Variants in LIMS1 observed in about 807,000 individuals in gnomAD.
LIMS1 encodes LIM and senescent cell antigen-like-containing domain protein 1.
LIMS1 carries 18 observed loss-of-function variants against 44.1 expected under a neutral mutation model. The ratio of observed to expected loss-of-function variants is 0.41; its 90% CI spans 0.28 to 0.61. The LOEUF (loss-of-function observed/expected upper bound fraction) is 0.61, where lower values mean the gene tolerates loss of function less well. Ranked by LOEUF, LIMS1 falls within the 20% of genes least tolerant of loss-of-function variation. The pLI is 0.32. For missense variants in LIMS1, 201 were observed against 422.0 expected (o/e 0.48, Z 4.59); for synonymous variants, 93 against 149.1 (o/e 0.62, Z 2.74).
intron 1 of LIMS1, among the ~76,000 whole-genome samples, chr2:108,552,206 C>A (rs1684768755): frequency 7.1e-6 from 1 of 141,634 alleles, no homozygotes; most frequent in Admixed American, 7.2e-5. Flanking sequence ...ATAAAATATA[C>A]AATATATAAT....
rs961167991 is a variant in LIMS1 at position 108,586,657 on chromosome 2, T to C, written c.32+52063T>C. ...AACAACAATGCCAGTCTGCCCAGGA[T>C]GTTCTGCTGGGACTCAGAAAAACAT... On this transcript the variant is annotated intron_variant, in intron 1 of 9. Transcript: ENST00000544547. Among the ~76,000 whole-genome samples, 6 of 152,332 alleles carry C rather than the reference T, an allele frequency of 3.9e-5. No homozygotes were observed. The South Asian group carries it at 1.0e-3, about 26-fold the overall frequency.
At chr2:108,663,912 G>T (rs980140835) in intron 2 of LIMS1, among the ~76,000 whole-genome samples, 4 of 151,872 alleles carry the variant, frequency 2.6e-5, no homozygotes, top group African/African-American at 9.7e-5. Flanking sequence ...GCGCCACCAT[G>T]CCCAGCTAAT....
chr2:108,640,715 A>G (rs1436502098), intron 1 of LIMS1, among the ~76,000 whole-genome samples: 1 of 152,258 alleles, frequency 6.6e-6, no homozygotes, highest in Non-Finnish European at 1.5e-5. Context: ...TGCTGCATGC[A>G]TGTAATGCAT....
At chr2:108,580,714 A>T (rs1685852829) in intron 1 of LIMS1, among the ~76,000 whole-genome samples, 1 of 152,178 alleles carries the variant, frequency 6.6e-6, no homozygotes, top group East Asian at 1.9e-4. Flanking sequence ...GAGGTGTGTG[A>T]GGATGATTAA....
intron 1 of LIMS1, among the ~76,000 whole-genome samples, chr2:108,576,528 G>A (rs1044309721): frequency 2.6e-5 from 4 of 152,142 alleles, no homozygotes; most frequent in African/African-American, 9.7e-5. Flanking sequence ...AGCCTCCCGA[G>A]TAGCTGGGAT....
intron 1 of LIMS1, among the ~76,000 whole-genome samples, chr2:108,611,793 G>C (rs1269911171): frequency 1.3e-5 from 2 of 149,476 alleles, no homozygotes; most frequent in Admixed American, 1.3e-4. Context: ...TGGGAGGATT[G>C]CTTGAGCCAG....
chr2:108,643,644 G>T (rs538753629), intron 1 of LIMS1, among the ~76,000 whole-genome samples: 4 of 151,036 alleles, frequency 2.6e-5, no homozygotes, highest in Non-Finnish European at 2.9e-5. Flanking sequence ...CCCCAGTGGC[G>T]CCAGGAATGC....
intron 1 of LIMS1, among the ~76,000 whole-genome samples, chr2:108,650,949 C>A (rs1690441601): frequency 6.6e-6 from 1 of 152,208 alleles, no homozygotes; most frequent in African/African-American, 2.4e-5. Flanking sequence ...GGGCCTATTG[C>A]ATCATGGGCT....
chr2:108,609,903 G>T (rs1280532952), intron 1 of LIMS1, among the ~76,000 whole-genome samples: 1 of 152,140 alleles, frequency 6.6e-6, no homozygotes, highest in Non-Finnish European at 1.5e-5. Flanking sequence ...AGCACTTTGG[G>T]AGGCCGAGGT....
At chr2:108,673,163 G>A (rs1243539888) in intron 5 of LIMS1, 134 bp downstream of exon 5, 15 of 1,325,812 alleles carry the variant, frequency 1.1e-5, no homozygotes, top group South Asian at 1.1e-4. Context: ...ACCTATAGAC[G>A]AGTCAAGAGA....
intron 1 of LIMS1, among the ~76,000 whole-genome samples, chr2:108,599,229 C>T (rs1344525253): frequency 6.6e-6 from 1 of 152,130 alleles, no homozygotes; most frequent in Non-Finnish European, 1.5e-5. Context: ...TTTCTACTCT[C>T]TGTGTCCATG....
intron 1 of LIMS1, among the ~76,000 whole-genome samples, chr2:108,537,647 G>T (rs1558778014): frequency 6.6e-6 from 1 of 152,354 alleles, no homozygotes; most frequent in East Asian, 1.9e-4. Flanking sequence ...TGGTACAAAA[G>T]ATCATTTCAG....
chr2:108,590,694 A>G (rs1251362889), intron 1 of LIMS1, among the ~76,000 whole-genome samples: 1 of 152,206 alleles, frequency 6.6e-6, no homozygotes. Flanking sequence ...AGTTGGCAAC[A>G]GCTCGAGCAA....
intron 1 of LIMS1, among the ~76,000 whole-genome samples, chr2:108,619,737 TTGAAATGTTTCTATTAC>T (rs1688136819): frequency 1.3e-5 from 2 of 152,178 alleles, no homozygotes; most frequent in South Asian, 4.1e-4. Context: ...GAGTTCTAAA[TTGAAATGTTTCTATTAC>T]TGTAAACTAA....
intron 1 of LIMS1, among the ~76,000 whole-genome samples, chr2:108,644,214 GAGA>G (rs1392374292): frequency 6.6e-6 from 1 of 152,114 alleles, no homozygotes; most frequent in Non-Finnish European, 1.5e-5. Flanking sequence ...TCCTAACTGG[GAGA>G]CACCTCCTAG....
intron 1 of LIMS1, among the ~76,000 whole-genome samples, chr2:108,616,835 A>G (rs1319836362): frequency 6.6e-6 from 1 of 152,174 alleles, no homozygotes; most frequent in East Asian, 1.9e-4. Flanking sequence ...GAGAGGCCTC[A>G]CTTAGGAAGA....
intron 2 of LIMS1, among the ~76,000 whole-genome samples, chr2:108,670,531 C>A (rs1573605612): frequency 6.6e-6 from 1 of 152,164 alleles, no homozygotes; most frequent in Middle Eastern, 3.4e-3. Context: ...AGTCAGAGGC[C>A]AGGTCACCAG....
chr2:108,673,414 C>T (rs1558840878), intron 5 of LIMS1: 1 of 296,912 alleles, frequency 3.4e-6, no homozygotes, highest in Non-Finnish European at 6.4e-6. Context: ...GACAGGGTCT[C>T]TCTCGCTCTA....
At chr2:108,631,296 G>A (rs1001873842) in intron 1 of LIMS1, among the ~76,000 whole-genome samples, 2 of 152,168 alleles carry the variant, frequency 1.3e-5, no homozygotes, top group Admixed American at 6.5e-5. Flanking sequence ...AGGAGTCTGG[G>A]TATAGCCCAC....
Sources: allele counts gnomAD v4.1 joint callset (sites outside exome capture counted in the v4.1 genomes callset), GRCh38; gene constraint gnomAD v4.1.1; transcripts MANE v1.5; gene names NCBI Gene and HGNC (gene_info 2026-07-23, HGNC 2026-07-21).